The following LGR4 variants were observed in gnomAD, a reference collection of about 807,000 sequenced individuals.
The protein encoded by LGR4 is leucine rich repeat containing G protein-coupled receptor 4.
A neutral mutation model predicts 84.8 loss-of-function variants in LGR4; 44 were observed. The ratio of observed to expected loss-of-function variants is 0.52; its 90% CI spans 0.41 to 0.67. The LOEUF is 0.67. Among genes scored for constraint, LGR4 ranks in the 30% least tolerant of loss-of-function variants. The pLI is 0.00. For synonymous variants in LGR4, 429 were observed against 434.3 expected (o/e 0.99, Z 0.15); for missense variants, 1,032 against 1,131.4 (o/e 0.91, Z 1.26).
intron 1 of LGR4, among the ~76,000 whole-genome samples, chr11:27,460,698 C>T (rs1303646061): frequency 1.3e-5 from 2 of 152,172 alleles, no homozygotes; most frequent in East Asian, 1.9e-4. Context: ...AAGAATGAAG[C>T]GTTCTGCTGC....
chr11:27,405,868 C>T (rs547575818), intron 2 of LGR4, among the ~76,000 whole-genome samples: 98 of 152,240 alleles, frequency 6.4e-4, no homozygotes, highest in Non-Finnish European at 1.1e-3. Context: ...CTCTCAATTT[C>T]AAACTCTCTG....
At chr11:27,434,971 A>G (rs1864183056) in intron 1 of LGR4, among the ~76,000 whole-genome samples, 1 of 152,112 alleles carries the variant, frequency 6.6e-6, no homozygotes, top group African/African-American at 2.4e-5. Context: ...ATATTTCACC[A>G]TGCAACGTGT....
intron 1 of LGR4, among the ~76,000 whole-genome samples, chr11:27,468,052 C>T (rs899541163): frequency 2.6e-5 from 4 of 151,980 alleles, no homozygotes; most frequent in South Asian, 2.1e-4. Context: ...TCAGAGAATA[C>T]GTTAAAAAGT....
At chr11:27,375,080 T>C (rs528889116) in intron 13 of LGR4, among the ~76,000 whole-genome samples, 28 of 151,436 alleles carry the variant, frequency 1.8e-4, no homozygotes, top group Admixed American at 1.4e-3. Flanking sequence ...GCTCAGGTGT[T>C]TGAGACAAGC....
intron 1 of LGR4, among the ~76,000 whole-genome samples, chr11:27,453,703 T>G (rs1864524305): frequency 6.6e-6 from 1 of 152,198 alleles, no homozygotes; most frequent in African/African-American, 2.4e-5. Context: ...AATAAACAAA[T>G]GTTGAACAAA....
chr11:27,449,578 T>A (rs1864448592), intron 1 of LGR4, among the ~76,000 whole-genome samples: 1 of 150,580 alleles, frequency 6.6e-6, no homozygotes, highest in Non-Finnish European at 1.5e-5. Flanking sequence ...TGAGATGCTG[T>A]CTCTTAAAAA....
chr11:27,382,267 A>T lies in LGR4; in HGVS notation c.690-11T>A. 1 of 1,547,460 alleles carries T rather than the reference A, an allele frequency of 6.5e-7. No homozygotes were observed. Among genetic ancestry groups the T allele is most frequent in the Non-Finnish European group, 8.9e-7 (1 of 1,120,646 alleles). On this transcript the variant is annotated splice_polypyrimidine_tract_variant and intron_variant, in intron 6 of 17. Coordinates refer to ENST00000379214, the MANE Select transcript of LGR4 (RefSeq NM_018490.5). The stretch of plus-strand genomic sequence containing the variant: ...TTATAATTCAAGTCTCTAGAAAAAA[A>T]TGGGTGAAAATATATCAAAATATTA...
intron 1 of LGR4, among the ~76,000 whole-genome samples, chr11:27,446,830 A>G (rs1317192817): frequency 6.6e-6 from 1 of 152,150 alleles, no homozygotes; most frequent in African/African-American, 2.4e-5. Flanking sequence ...TGTGGCACAT[A>G]TACACCATGG....
intron 15 of LGR4, 28 bp downstream of exon 15, chr11:27,373,523 C>CA: frequency 2.0e-6 from 3 of 1,501,324 alleles, no homozygotes; most frequent in East Asian, 2.3e-5. Context: ...ATAACTTCAA[C>CA]AAAAAAGAAA....
chr11:27,381,783 T>C (rs1206644084), intron 7 of LGR4, among the ~76,000 whole-genome samples: 2 of 152,216 alleles, frequency 1.3e-5, no homozygotes, highest in Non-Finnish European at 2.9e-5. Flanking sequence ...CTGGTCAAAC[T>C]CCTTCCTTTT....
At chr11:27,439,794 G>T (rs372253507) in intron 1 of LGR4, among the ~76,000 whole-genome samples, 1 of 152,170 alleles carries the variant, frequency 6.6e-6, no homozygotes, top group East Asian at 1.9e-4. Flanking sequence ...TATGAAGCAG[G>T]TAGTGAGCGA....
At chr11:27,391,910 T>C (rs1863293059) in intron 3 of LGR4, among the ~76,000 whole-genome samples, 1 of 152,152 alleles carries the variant, frequency 6.6e-6, no homozygotes, top group Non-Finnish European at 1.5e-5. Flanking sequence ...TCATCCAGCA[T>C]GGTAGTGGCA....
intron 2 of LGR4, among the ~76,000 whole-genome samples, chr11:27,402,542 GT>G (rs1863523687): frequency 6.6e-6 from 1 of 152,140 alleles, no homozygotes; most frequent in African/African-American, 2.4e-5. Flanking sequence ...TTTTAATTGA[GT>G]TTTGTCACTT....
chr11:27,420,780 G>A (rs1863911670), intron 1 of LGR4, among the ~76,000 whole-genome samples: 1 of 152,058 alleles, frequency 6.6e-6, no homozygotes, highest in African/African-American at 2.4e-5. Flanking sequence ...GGGGAAGGTG[G>A]AGGGCGCCTT....
intron 1 of LGR4, among the ~76,000 whole-genome samples, chr11:27,420,133 T>C (rs550326437): frequency 2.3e-4 from 35 of 152,304 alleles, no homozygotes; most frequent in Middle Eastern, 6.8e-3. Context: ...GTATATATGA[T>C]AGTGTCTTCT....
intron 9 of LGR4, 73 bp from the exon 10 acceptor site, chr11:27,380,412 T>A: frequency 9.2e-7 from 1 of 1,090,508 alleles, no homozygotes. Flanking sequence ...CAGTTTAAAA[T>A]TACAGTGCAA....
intron 10 of LGR4, among the ~76,000 whole-genome samples, chr11:27,379,629 T>G (rs980016233): frequency 1.3e-5 from 2 of 152,172 alleles, no homozygotes; most frequent in Non-Finnish European, 2.9e-5. Flanking sequence ...AGGTCCTAGC[T>G]GCCTCAGGCC....
At position 27,368,321 on chromosome 11, in the gene LGR4, T is replaced by C; in HGVS notation, c.2402A>G (p.Tyr801Cys). 3.7e-6 allele frequency: 6 copies of C among 1,614,064 alleles called. No homozygotes were observed. The highest frequency in any genetic ancestry group is 5.1e-6 in the Non-Finnish European group (6 of 1,180,010). The change falls in exon 18 of 18, where the codon TAT (tyrosine) becomes TGT (cysteine). Residue 801 changes from tyrosine to cysteine, a missense_variant. By Grantham distance (194) the Tyr-to-Cys change is radical. Transcript: ENST00000379214. ...PLPACLNPVL[Y>C]VFFNPKFKED... ...TTTAAACTTTGGGTTGAAGAAAACA[T>C]ACAGGACTGGATTCAGGCAAGCAGG...
At position 27,417,962 on chromosome 11, in the gene LGR4, A is replaced by T. The variant is rs188905303; in HGVS notation, c.186-5102T>A. 4.6e-5 allele frequency among the ~76,000 whole-genome samples: 7 copies of T among 152,324 alleles called. No individual in the cohort carries two copies. The East Asian group carries it at 1.2e-3, about 25-fold the overall frequency. On this transcript the variant is annotated intron_variant, in intron 1 of 17. Coordinates refer to ENST00000379214, the MANE Select transcript of LGR4 (RefSeq NM_018490.5). ...GGATTGGAACATCTTTGCTATTGAA[A>T]GCCACCATGCCAAAAGGAATAGAGG...
Sources: gnomAD v4.1 joint callset for allele counts (sites outside exome capture counted in the v4.1 genomes callset) on GRCh38, gnomAD v4.1.1 for gene constraint, MANE v1.5 for transcripts, NCBI Gene and HGNC (gene_info 2026-07-23, HGNC 2026-07-21) for gene names.